ODR4: variants seen among roughly 807,000 people sequenced by gnomAD.
ODR4 encodes odr-4 GPCR localization factor homolog.
A neutral mutation model predicts 60.2 loss-of-function variants in ODR4; 47 were observed. The observed-to-expected ratio is 0.78, with a 90% CI of 0.62 to 1.00. The LOEUF (loss-of-function observed/expected upper bound fraction) is 1.00. Among genes scored for constraint, ODR4 ranks in the 50% least tolerant of loss-of-function variants. ODR4 has a pLI of 0.00. For missense variants in ODR4, 488 were observed against 530.8 expected (o/e 0.92, Z 0.79); for synonymous variants, 178 against 175.5 (o/e 1.01, Z -0.11).
intron 13 of ODR4, among the ~76,000 whole-genome samples, chr1:186,418,285 CTTTCT>C (rs1661655615): frequency 7.5e-6 from 1 of 133,252 alleles, no homozygotes; most frequent in Non-Finnish European, 1.6e-5. Context: ...CATTTTCTTT[CTTTCT>C]TTTTTTTTTT....
In ODR4 at chr1:186,419,482, A is replaced by C. The variant is rs1571707256; in HGVS notation, c.*406A>C. The C allele has an allele frequency of 6.2e-6, 1 of 161,770 alleles. No homozygotes were observed. The highest frequency in any genetic ancestry group is 1.4e-5 in the Non-Finnish European group (1 of 73,902). The allele number at this position is 161,770 out of a possible 1,614,324, so 10.0% of individuals were successfully genotyped here. On this transcript the variant is annotated 3_prime_UTR_variant, in exon 14 of 14. Transcript: ENST00000287859. Reference sequence around the variant, plus strand: ...TAATGCTTTGAGAGGCTGAGGTAGGAGCATCACCTGGGGCTGGGAGGGAGT... The same window carrying C: ...TAATGCTTTGAGAGGCTGAGGTAGGCGCATCACCTGGGGCTGGGAGGGAGT...
At chr1:186,407,844 G>C (rs1378781471) in intron 12 of ODR4, among the ~76,000 whole-genome samples, 1 of 151,796 alleles carries the variant, frequency 6.6e-6, no homozygotes, top group East Asian at 1.9e-4. Flanking sequence ...TAACCTGTGG[G>C]GTTCAAAACC....
intron 12 of ODR4, among the ~76,000 whole-genome samples, chr1:186,409,939 G>A (rs1490608573): frequency 6.6e-6 from 1 of 152,162 alleles, no homozygotes; most frequent in African/African-American, 2.4e-5. Flanking sequence ...AAACTTTCTT[G>A]TAGTTCCCTC....
At chr1:186,390,335 C>G (rs1660414387) in intron 6 of ODR4, among the ~76,000 whole-genome samples, 1 of 152,154 alleles carries the variant, frequency 6.6e-6, no homozygotes, top group African/African-American at 2.4e-5. Flanking sequence ...AAGGATGGGA[C>G]AGAAAGGAGA....
chr1:186,425,248 T>A (rs1446810565), downstream of ODR4, among the ~76,000 whole-genome samples: 3 of 152,158 alleles, frequency 2.0e-5, no homozygotes, highest in Non-Finnish European at 2.9e-5. Flanking sequence ...TCCGAAGATG[T>A]GTGAAACTAA....
At chr1:186,418,831 A>G (rs988373973) in intron 13 of ODR4, among the ~76,000 whole-genome samples, 178 bp from the exon 14 acceptor site, 3 of 152,114 alleles carry the variant, frequency 2.0e-5, no homozygotes, top group Admixed American at 6.5e-5. Context: ...TAATTGCTGT[A>G]TTTTTCTCTA....
In ODR4 at chr1:186,388,496, G is replaced by T; in HGVS notation, c.385G>T (p.Glu129Ter). The T allele has an allele frequency of 1.3e-6, 2 of 1,573,066 alleles. No homozygotes were observed. The highest frequency in any genetic ancestry group is 1.7e-6 in the Non-Finnish European group (2 of 1,158,852). ...TAGAAAGAGATTGTGGAATTTCACA[G>T]AGGAGGAAGTCTCAGAACGAGTGAC... ...INRKRLWNFT[E>*]EEVSERVTLH... The change falls in exon 5 of 14, where the codon GAG becomes TAG. Residue 129 changes from glutamate (E) to a stop codon, truncating the protein, a stop_gained. Transcript: ENST00000287859. LOFTEE classifies it high-confidence loss of function.
chr1:186,379,391 C>T (rs1571655887), intron 1 of ODR4, among the ~76,000 whole-genome samples: 1 of 145,126 alleles, frequency 6.9e-6, no homozygotes, highest in African/African-American at 2.6e-5. Context: ...TACAGTGTGC[C>T]GAGGTTGCGC....
At chr1:186,427,895 C>T in the ODR4 span, among the ~76,000 whole-genome samples, 1 of 152,134 alleles carries the variant, frequency 6.6e-6, no homozygotes, top group African/African-American at 2.4e-5. Context: ...TGAAAGGAAT[C>T]GTTTTCTGAG....
chr1:186,406,765 T>C (rs551180003), intron 12 of ODR4, among the ~76,000 whole-genome samples: 1 of 152,262 alleles, frequency 6.6e-6, no homozygotes, highest in Non-Finnish European at 1.5e-5. Context: ...ATGACTTTTA[T>C]AGAGCATAGA....
At chr1:186,409,135 A>G (rs1428611940) in intron 12 of ODR4, among the ~76,000 whole-genome samples, 1 of 151,718 alleles carries the variant, frequency 6.6e-6, no homozygotes, top group South Asian at 2.1e-4. Context: ...AGAAGTTTCA[A>G]TGGGCCGTGT....
chr1:186,393,770 A>G (rs919058120), intron 8 of ODR4, among the ~76,000 whole-genome samples, 177 bp from the exon 9 acceptor site: 15 of 152,248 alleles, frequency 9.9e-5, no homozygotes, highest in African/African-American at 3.4e-4. Context: ...TAATTGTTTT[A>G]AAGAGTGTAC....
the ODR4 span, among the ~76,000 whole-genome samples, chr1:186,434,777 C>T: frequency 2.6e-5 from 4 of 152,006 alleles, no homozygotes; most frequent in African/African-American, 2.4e-5. Context: ...TCAAGTTACC[C>T]GGAAAGTTCA....
At chr1:186,401,467 T>C (rs934671415) in intron 11 of ODR4, 6 of 94,716 alleles carry the variant, frequency 6.3e-5, no homozygotes, top group Non-Finnish European at 1.3e-4. Flanking sequence ...CGTCCGTCTT[T>C]CTGTCTGTCT....
intron 11 of ODR4, 79 bp from the exon 12 acceptor site, chr1:186,406,004 G>C: frequency 5.0e-6 from 5 of 991,744 alleles, no homozygotes; most frequent in Non-Finnish European, 6.9e-6. Flanking sequence ...ATTAGTTTTT[G>C]TATGTACTTC....
chr1:186,426,062 A>G (rs956845671), downstream of ODR4, among the ~76,000 whole-genome samples: 8 of 152,168 alleles, frequency 5.3e-5, no homozygotes, highest in South Asian at 1.4e-3. Context: ...CCATGAGCTT[A>G]TTAGTTCTAC....
chr1:186,407,746 C>T (rs898696169), intron 12 of ODR4, among the ~76,000 whole-genome samples: 1 of 152,132 alleles, frequency 6.6e-6, no homozygotes, highest in Non-Finnish European at 1.5e-5. Context: ...TATATTCTCA[C>T]CTACCTTAAG....
chr1:186,392,890 A>G (rs911470426), intron 8 of ODR4, among the ~76,000 whole-genome samples: 7 of 152,190 alleles, frequency 4.6e-5, no homozygotes, highest in African/African-American at 1.7e-4. Context: ...TGTAAGCACA[A>G]GCTACTCGGG....
downstream of ODR4, among the ~76,000 whole-genome samples, chr1:186,425,394 A>T (rs1661866165): frequency 6.6e-6 from 1 of 152,208 alleles, no homozygotes; most frequent in African/African-American, 2.4e-5. Flanking sequence ...CCAATTGGGC[A>T]CGTCTAATTC....
Sources: gnomAD v4.1 joint callset for allele counts (sites outside exome capture counted in the v4.1 genomes callset) on GRCh38, gnomAD v4.1.1 for gene constraint, MANE v1.5 for transcripts, NCBI Gene and HGNC (gene_info 2026-07-23, HGNC 2026-07-21) for gene names.